AQP8: variants seen among roughly 807,000 people sequenced by gnomAD.
The protein encoded by AQP8 is aquaporin 8.
AQP8 carries 14 observed loss-of-function variants against 26.1 expected under a neutral mutation model. The ratio of observed to expected loss-of-function variants is 0.54; its 90% CI spans 0.35 to 0.84. The LOEUF is 0.84. Ranked by LOEUF, AQP8 falls within the 40% of genes least tolerant of loss-of-function variation. The probability of loss-of-function intolerance (pLI) is 0.01; values close to 1 mark genes in which losing one functional copy is unlikely to be tolerated. For synonymous variants in AQP8, 131 were observed against 150.7 expected (o/e 0.87, Z 0.96); for missense variants, 301 against 340.5 (o/e 0.88, Z 0.91).
chr16:25,226,514 C>T (rs190689894), intron 4 of AQP8, among the ~76,000 whole-genome samples: 6 of 152,272 alleles, frequency 3.9e-5, no homozygotes, highest in Non-Finnish European at 5.9e-5. Context: ...GCCTTGGCCT[C>T]CTAAACTGCT....
At chr16:25,227,289 T>A in intron 5 of AQP8, 87 bp downstream of exon 5, 3 of 1,555,930 alleles carry the variant, frequency 1.9e-6, no homozygotes, top group Non-Finnish European at 1.8e-6. Flanking sequence ...GGCTAGGCTC[T>A]CACTTGGGTT....
chr16:25,225,184 C>G (rs1022130542), intron 4 of AQP8, among the ~76,000 whole-genome samples: 17 of 152,236 alleles, frequency 1.1e-4, no homozygotes, highest in African/African-American at 3.6e-4. Context: ...GGGTCACGCT[C>G]TGTTGCCCAG....
At chr16:25,226,948 T>G in intron 4 of AQP8, 120 bp from the exon 5 acceptor site, 4 of 1,427,992 alleles carry the variant, frequency 2.8e-6, no homozygotes, top group Non-Finnish European at 3.9e-6. Flanking sequence ...GAGCTCATGA[T>G]GTAGGAGTTT....
At chr16:25,219,076 G>C (rs1204254263) in intron 2 of AQP8, among the ~76,000 whole-genome samples, 1 of 151,376 alleles carries the variant, frequency 6.6e-6, no homozygotes, top group Non-Finnish European at 1.5e-5. Context: ...ATAAATATGA[G>C]TAATAATAAT....
chr16:25,228,868 C>T lies in AQP8; in HGVS notation c.*376C>T. ...CTTGATTGCTTTGTTGGGGGCCTGG[C>T]CACTTCCTTGCTTCTCAAGCTGACA... On this transcript the variant is annotated 3_prime_UTR_variant, in exon 6 of 6. Coordinates refer to ENST00000219660, the MANE Select transcript of AQP8 (RefSeq NM_001169.3). 5.6e-6 allele frequency: 1 copy of T among 178,266 alleles called. No homozygotes were observed. Among genetic ancestry groups the T allele is most frequent in the Non-Finnish European group, 1.2e-5 (1 of 84,924 alleles). 11.0% of individuals were successfully genotyped at this position (178,266 alleles called of 1,614,324 possible).
chr16:25,219,696 C>T (rs1962532147), intron 2 of AQP8, among the ~76,000 whole-genome samples: 1 of 151,266 alleles, frequency 6.6e-6, no homozygotes, highest in South Asian at 2.1e-4. Flanking sequence ...GGCCTGGCTG[C>T]CCCTCTTCCC....
intron 5 of AQP8, among the ~76,000 whole-genome samples, 198 bp downstream of exon 5, chr16:25,227,400 C>T (rs1962650221): frequency 6.6e-6 from 1 of 152,170 alleles, no homozygotes; most frequent in Non-Finnish European, 1.5e-5. Flanking sequence ...TAGCTTATGT[C>T]ATAAAGAGGA....
rs1408314109 is a variant in AQP8 at position 25,217,455 on chromosome 16, G to A, written c.260+10G>A. On this transcript the variant is annotated intron_variant, in intron 2 of 5. Coordinates refer to ENST00000219660, the MANE Select transcript of AQP8 (RefSeq NM_001169.3). ...CGCTGGGGAATATCAGGTGAGACCA[G>A]CTCTGAGGATTCAGCCTGATGCTGA... 1.2e-6 allele frequency: 2 copies of A among 1,613,040 alleles called. No homozygotes were observed. The highest frequency in any genetic ancestry group is 1.7e-6 in the Non-Finnish European group (2 of 1,179,368).
intron 2 of AQP8, among the ~76,000 whole-genome samples, chr16:25,219,815 T>C (rs1285023549): frequency 6.6e-6 from 1 of 151,414 alleles, no homozygotes; most frequent in Non-Finnish European, 1.5e-5. Flanking sequence ...GGCAGGTGAA[T>C]CACCTGAGGT....
At chr16:25,218,715 A>G (rs1239506995) in intron 2 of AQP8, among the ~76,000 whole-genome samples, 5 of 152,020 alleles carry the variant, frequency 3.3e-5, no homozygotes, top group African/African-American at 1.2e-4. Flanking sequence ...CCCTGTCTCT[A>G]CTAAAGATAC....
chr16:25,217,179 C>T lies in AQP8; in HGVS notation c.13-19C>T, dbSNP rs745978713. 1.9e-6 allele frequency: 3 copies of T among 1,613,826 alleles called. No homozygotes were observed. The highest frequency in any genetic ancestry group is 2.2e-5 in the South Asian group (2 of 91,086). On this transcript the variant is annotated intron_variant, in intron 1 of 5. Transcript: ENST00000219660. The stretch of plus-strand genomic sequence containing the variant: ...CTTGCCTCCCACCCGTGTCCTCTGT[C>T]CCTTTTTCCCTACGGCAGATAGCCA...
chr16:25,227,318 G>GC, intron 5 of AQP8, 116 bp downstream of exon 5: 1 of 1,385,838 alleles, frequency 7.2e-7, no homozygotes, highest in South Asian at 1.4e-5. Context: ...AAAAGAGGGA[G>GC]CCTCTTTAGA....
At chr16:25,217,509 G>C (rs2141751135) in intron 2 of AQP8, 64 bp downstream of exon 2, 2 of 1,584,418 alleles carry the variant, frequency 1.3e-6, no homozygotes, top group Non-Finnish European at 1.7e-6. Flanking sequence ...GAAAGCAAAG[G>C]CGTTGTCAAG....
rs1323860665 is a variant in AQP8, at chr16:25,219,474, C to CAATG, written c.261-1966_261-1963dup. 3.0e-4 allele frequency among the ~76,000 whole-genome samples: 46 copies of CAATG among 151,584 alleles called. 1 individual carries two copies. Among genetic ancestry groups the CAATG allele is most frequent in the South Asian group, 2.1e-4 (1 of 4,828 alleles). On this transcript the variant is annotated intron_variant, in intron 2 of 5. Coordinates refer to ENST00000219660, the MANE Select transcript of AQP8 (RefSeq NM_001169.3). ...GTCAGAGAAATATATGCTGAGTGAA[C>CAATG]AATGAATGAATGAATGAATGTGTCT... is the stretch of plus-strand genomic sequence containing the variant.
intron 3 of AQP8, among the ~76,000 whole-genome samples, chr16:25,222,442 A>T (rs984248319): frequency 3.3e-5 from 5 of 151,904 alleles, no homozygotes; most frequent in African/African-American, 1.2e-4. Flanking sequence ...CCTGGCCTCA[A>T]GTGATCTTCC....
At chr16:25,227,025 T>A (rs973243952) in intron 4 of AQP8, 43 bp from the exon 5 acceptor site, 1 of 1,612,272 alleles carries the variant, frequency 6.2e-7, no homozygotes, top group Non-Finnish European at 8.5e-7. Flanking sequence ...TGAGGTGGGG[T>A]TTGGCTGGGA....
Position 25,217,414 on chromosome 16 carries a change from G to A in AQP8, c.229G>A (p.Gly77Arg). 2.5e-6 allele frequency: 4 copies of A among 1,614,188 alleles called. No homozygotes were observed. In the South Asian group the frequency reaches 4.4e-5, roughly 18 times the overall value. The change falls in exon 2 of 6, where the codon GGG becomes AGG. Residue 77 changes from glycine to arginine, a missense_variant. Gly to Arg is a moderately radical substitution (Grantham distance 125). Coordinates refer to ENST00000219660, the MANE Select transcript of AQP8 (RefSeq NM_001169.3). The part of the protein sequence containing the change: ...QPALAHGLAL[G>R]LVIATLGNIS... ...GGCCCTGGCCCACGGGCTGGCTTTGGGGCTCGTGATTGCCACGCTGGGGAA... is the reference window on the plus strand; with the variant it reads ...GGCCCTGGCCCACGGGCTGGCTTTGAGGCTCGTGATTGCCACGCTGGGGAA...
intron 3 of AQP8, among the ~76,000 whole-genome samples, chr16:25,223,994 T>C (rs1778460948): frequency 6.6e-6 from 1 of 152,092 alleles, no homozygotes; most frequent in Non-Finnish European, 1.5e-5. Flanking sequence ...ACCCCGCTAA[T>C]TTTTGTATTT....
intron 5 of AQP8, 132 bp downstream of exon 5, chr16:25,227,334 A>G (rs995032009): frequency 3.5e-6 from 4 of 1,127,134 alleles, no homozygotes; most frequent in Non-Finnish European, 5.0e-6. Context: ...TTAGAGGCAA[A>G]GAAAATGGCT....
Sources: gnomAD v4.1 joint callset for allele counts (sites outside exome capture counted in the v4.1 genomes callset) on GRCh38, gnomAD v4.1.1 for gene constraint, MANE v1.5 for transcripts, NCBI Gene and HGNC (gene_info 2026-07-23, HGNC 2026-07-21) for gene names.